SHE: variants seen among roughly 807,000 people sequenced by gnomAD.
SHE encodes the protein Src homology 2 domain containing E.
SHE carries 11 observed loss-of-function variants against 49.8 expected under a neutral mutation model. The ratio of observed to expected loss-of-function variants is 0.22; its 90% CI spans 0.14 to 0.37. The LOEUF (loss-of-function observed/expected upper bound fraction) is 0.37. Among genes scored for constraint, SHE ranks in the 10% least tolerant of loss-of-function variants. SHE has a pLI of 1.00. For synonymous variants in SHE, 310 were observed against 278.1 expected (o/e 1.11, Z -1.14); for missense variants, 624 against 655.5 (o/e 0.95, Z 0.52).
intron 5 of SHE, 27 bp from the exon 6 acceptor site, chr1:154,484,362 T>C (rs1303309577): frequency 1.9e-6 from 3 of 1,592,036 alleles, no homozygotes; most frequent in African/African-American, 1.3e-5. Context: ...GGAGGAGACA[T>C]GAATGAGTGG....
At chr1:154,490,076 A>G (rs976533368) in intron 2 of SHE, among the ~76,000 whole-genome samples, 1 of 152,256 alleles carries the variant, frequency 6.6e-6, no homozygotes, top group Non-Finnish European at 1.5e-5. Flanking sequence ...CACTGTCTGG[A>G]TATTCAAAGC....
In SHE at chr1:154,495,213, T is replaced by TC. The variant is rs931472808; in HGVS notation, c.718+3898dup. On this transcript the variant is annotated intron_variant, in intron 2 of 5. Transcript: ENST00000304760. Reference sequence around the variant, plus strand: ...GCCAATGGGAACTTTTAAAGACCTGTCCGATGCTAATGTTTCAAAGCGGTG... The same window carrying TC: ...GCCAATGGGAACTTTTAAAGACCTGTCCCGATGCTAATGTTTCAAAGCGGTG... Among the ~76,000 whole-genome samples the TC allele has an allele frequency of 7.4e-4, 113 of 152,352 alleles. 1 individual carries two copies. Among genetic ancestry groups the TC allele is most frequent in the African/African-American group, 2.7e-3 (112 of 41,580 alleles).
chr1:154,485,204 C>T (rs139012828), intron 5 of SHE: 69 of 152,252 alleles, frequency 4.5e-4, no homozygotes, highest in African/African-American at 1.5e-3. Context: ...GGAACACAGT[C>T]GAGCTATTCC....
chr1:154,475,758 G>A (rs1275007854), downstream of SHE, among the ~76,000 whole-genome samples: 1 of 152,112 alleles, frequency 6.6e-6, no homozygotes, highest in Admixed American at 6.5e-5. Flanking sequence ...GCTGGGTGAT[G>A]GGACAGGGTG....
chr1:154,480,073 A>AGGCC lies in SHE; in HGVS notation c.*4072_*4075dup. The stretch of plus-strand genomic sequence containing the variant: ...AGCGGTGGAGGGTAAGTTGAACAGA[A>AGGCC]GGCCCACTGCACAGCAGGCCAAGTT... On this transcript the variant is annotated 3_prime_UTR_variant, in exon 6 of 6. Coordinates refer to ENST00000304760, the MANE Select transcript of SHE (RefSeq NM_001010846.3). The AGGCC allele has an allele frequency of 1.0e-6, 1 of 985,520 alleles. No individual in the cohort carries two copies. Among genetic ancestry groups the AGGCC allele is most frequent in the Non-Finnish European group, 1.2e-6 (1 of 829,946 alleles). 61.0% of individuals were successfully genotyped at this position (985,520 alleles called of 1,614,324 possible). A position where few individuals can be genotyped will look rare whatever the true frequency, so the allele number is the denominator to read the frequency against.
At chr1:154,479,317 A>G (rs1437849736), downstream of SHE, among the ~76,000 whole-genome samples, 6 of 152,216 alleles carry the variant, frequency 3.9e-5, no homozygotes, top group Non-Finnish European at 8.8e-5. Flanking sequence ...ATGTGAACAG[A>G]GTAAATAAAA....
chr1:154,472,888 G>A (rs1691778094), intron 1 of SHE, among the ~76,000 whole-genome samples: 2 of 152,270 alleles, frequency 1.3e-5, no homozygotes, highest in South Asian at 4.1e-4. Context: ...CTGGCTGGGC[G>A]CAGTGGCTCA....
chr1:154,494,527 GT>G lies in SHE; in HGVS notation c.718+4584del, dbSNP rs199901392. ...CCGGGCCCGGCAGATGGAGTTTATA[GT>G]TTTTTTTTTTTTTTTTAATGGAGAC... On this transcript the variant is annotated intron_variant, in intron 2 of 5. Transcript: ENST00000304760. Among the ~76,000 whole-genome samples the G allele has an allele frequency of 9.9e-3, 1,255 of 126,360 alleles. 7 individuals are homozygous for G. Among genetic ancestry groups the G allele is most frequent in the Non-Finnish European group, 0.013 (764 of 58,394 alleles). 82.9% of individuals were successfully genotyped at this position (126,360 alleles called of 152,430 possible).
intron 1 of SHE, among the ~76,000 whole-genome samples, chr1:154,471,804 G>A (rs1320051199): frequency 6.6e-6 from 1 of 151,882 alleles, no homozygotes; most frequent in African/African-American, 2.4e-5. Flanking sequence ...GCTGCCCAAT[G>A]TCCTGAAAAA....
At position 154,486,623 on chromosome 1, in the gene SHE, C is replaced by T. The variant is rs754666777; in HGVS notation, c.1085G>A (p.Arg362Gln). The change falls in exon 4 of 6, where the codon CGG becomes CAG. Residue 362 changes from arginine (R) to glutamine (Q), a missense_variant. Physicochemically the swap from Arg to Gln is conservative, Grantham distance 43. Coordinates refer to ENST00000304760, the MANE Select transcript of SHE (RefSeq NM_001010846.3). ...GATCTTCTGGGTCCAGCTCTTCTGC[C>T]GGTGGTGCTGCCTCACTGTCTCCTC... ...FREETVRQHH[R>Q]QKSWTQKILK... The T allele has an allele frequency of 1.2e-5, 20 of 1,614,162 alleles. No homozygotes were observed. Among genetic ancestry groups the T allele is most frequent in the Middle Eastern group, 1.6e-4 (1 of 6,062 alleles).
At chr1:154,476,154 TA>T (rs1691870951), downstream of SHE, among the ~76,000 whole-genome samples, 2 of 152,136 alleles carry the variant, frequency 1.3e-5, no homozygotes, top group South Asian at 4.1e-4. Flanking sequence ...GAGATCAGCC[TA>T]AGCAATATAG....
exon 2 of SHE, chr1:154,470,332 CAGA>C (rs1188972539): frequency 7.8e-7 from 1 of 1,289,044 alleles, no homozygotes; most frequent in East Asian, 5.5e-5. Context: ...GTGCTCTTTC[CAGA>C]AGAACTTAGG....
intron 4 of SHE, among the ~76,000 whole-genome samples, 190 bp downstream of exon 4, chr1:154,486,337 G>A (rs980121914): frequency 1.3e-5 from 2 of 152,198 alleles, no homozygotes; most frequent in Non-Finnish European, 2.9e-5. Context: ...CAATGAGCTT[G>A]TTGAGATGCA....
intron 2 of SHE, among the ~76,000 whole-genome samples, chr1:154,492,753 A>G (rs143280528): frequency 6.6e-6 from 1 of 152,360 alleles, no homozygotes; most frequent in African/African-American, 2.4e-5. Flanking sequence ...TCAAAGGATG[A>G]ATATAGAATA....
At chr1:154,477,410 T>C (rs1691903406), downstream of SHE, among the ~76,000 whole-genome samples, 1 of 152,164 alleles carries the variant, frequency 6.6e-6, no homozygotes, top group African/African-American at 2.4e-5. Flanking sequence ...TTCACCACGT[T>C]GCCCGGGCTG....
intron 2 of SHE, among the ~76,000 whole-genome samples, chr1:154,492,975 C>G (rs1330487462): frequency 1.3e-5 from 2 of 152,162 alleles, no homozygotes; most frequent in Non-Finnish European, 2.9e-5. Context: ...GGGCAGTGTT[C>G]CTACCGGGCC....
chr1:154,490,927 A>G (rs908269655), intron 2 of SHE, among the ~76,000 whole-genome samples: 1 of 152,106 alleles, frequency 6.6e-6, no homozygotes, highest in African/African-American at 2.4e-5. Context: ...GATGGAAAAA[A>G]CCATATGCAA....
intron 2 of SHE, among the ~76,000 whole-genome samples, chr1:154,498,895 A>G (rs56233546): frequency 0.13 from 19,465 of 152,038 alleles, 1,441 homozygotes; most frequent in South Asian, 0.18. Flanking sequence ...AACTTTGAAG[A>G]CTCCTGTAAA....
chr1:154,480,641 G>T lies in SHE; in HGVS notation c.*3508C>A. The T allele has an allele frequency of 4.1e-6, 4 of 985,328 alleles. No homozygotes were observed. The highest frequency in any genetic ancestry group is 4.8e-6 in the Non-Finnish European group (4 of 829,900). The allele number at this position is 985,328 out of a possible 1,614,324, so 61.0% of individuals were successfully genotyped here. On this transcript the variant is annotated 3_prime_UTR_variant, in exon 6 of 6. Coordinates refer to ENST00000304760, the MANE Select transcript of SHE (RefSeq NM_001010846.3). Reference sequence around the variant, plus strand: ...AGACTTCCAACAGCAAAGAATAAAGGCTTTCTAAAATGCTTAAGAAAGTGC... The same window carrying T: ...AGACTTCCAACAGCAAAGAATAAAGTCTTTCTAAAATGCTTAAGAAAGTGC...
Sources: allele counts gnomAD v4.1 joint callset (sites outside exome capture counted in the v4.1 genomes callset), GRCh38; gene constraint gnomAD v4.1.1; transcripts MANE v1.5; gene names NCBI Gene and HGNC (gene_info 2026-07-23, HGNC 2026-07-21).